Variants in ZNF510 observed in about 807,000 individuals in gnomAD.
The protein encoded by ZNF510 is zinc finger protein 510.
Under a neutral mutation model 18.1 loss-of-function variants are expected in ZNF510, and 15 were observed. The ratio of observed to expected loss-of-function variants is 0.83; its 90% CI spans 0.55 to 1.28. The LOEUF (loss-of-function observed/expected upper bound fraction) is 1.28, where lower values mean the gene tolerates loss of function less well. Among genes scored for constraint, ZNF510 ranks in the 50% most tolerant of loss-of-function variants. The pLI, the probability that ZNF510 is intolerant of heterozygous loss-of-function variation, is 0.00. For missense variants in ZNF510, 724 were observed against 791.8 expected (o/e 0.91, Z 1.03); for synonymous variants, 261 against 266.4 (o/e 0.98, Z 0.20).
chr9:96,758,764 T>A lies in ZNF510; in HGVS notation c.*14A>T. The stretch of plus-strand genomic sequence containing the variant: ...GGGTATTCCTTTTGTCAAAAGGATT[T>A]TCTAGTTATTACATCAATAGGGATT... On this transcript the variant is annotated 3_prime_UTR_variant, in exon 6 of 6. Transcript: ENST00000223428. The A allele has an allele frequency of 6.5e-7, 1 of 1,536,474 alleles. No homozygotes were observed. Among genetic ancestry groups the A allele is most frequent in the Non-Finnish European group, 8.7e-7 (1 of 1,145,408 alleles).
Position 96,760,126 on chromosome 9 carries a change from A to C in ZNF510, c.704T>G (p.Leu235Arg), listed in dbSNP as rs764409353. The C allele has an allele frequency of 5.0e-6, 8 of 1,609,712 alleles. No individual in the cohort carries two copies. In the African/African-American group the frequency reaches 8.1e-5, roughly 16 times the overall value. ...CTTGGGAAGATTTTCATTATAATTG[A>C]GAGCTTTCATGTTTTTATTATGTTC... Reference protein sequence around the residue: ...FYEHNKNMKALNYNENLPKHP... With the variant: ...FYEHNKNMKARNYNENLPKHP... Residue 235 changes from leucine (L) to arginine (R), a missense_variant, in exon 6 of 6, where the codon CTC becomes CGC. By Grantham distance (102) the Leu-to-Arg change is moderately radical. Transcript: ENST00000223428.
intron 3 of ZNF510, among the ~76,000 whole-genome samples, chr9:96,769,291 C>G (rs1307328653): frequency 6.6e-6 from 1 of 151,872 alleles, no homozygotes; most frequent in East Asian, 1.9e-4. Context: ...ATAAAAATTA[C>G]CCGGGCATTG....
intron 3 of ZNF510, among the ~76,000 whole-genome samples, chr9:96,769,509 A>G (rs1849543184): frequency 6.6e-6 from 1 of 152,098 alleles, no homozygotes; most frequent in South Asian, 2.1e-4. Flanking sequence ...TGACTCTTAG[A>G]TGAAATCAGG....
At position 96,758,981 on chromosome 9, in the gene ZNF510, C is replaced by T. The variant is rs1849264304; in HGVS notation, c.1849G>A (p.Asp617Asn). 6.2e-7 allele frequency: 1 copy of T among 1,613,772 alleles called. No homozygotes were observed. The highest frequency in any genetic ancestry group is 8.5e-7 in the Non-Finnish European group (1 of 1,179,954). Residue 617 changes from aspartate to asparagine, a missense_variant, in exon 6 of 6, where the codon GAT becomes AAT. Transcript: ENST00000223428. ...TCCCCTGTGTGAATTCTCTGATGAT[C>T]ACTAAGGATTGCTTTCCGGACAAAT... ...KKFVRKAILS[D>N]HQRIHTGEKP... is the part of the protein sequence containing the mutation.
chr9:96,763,299 A>T, intron 4 of ZNF510, 86 bp from the exon 5 acceptor site: 1 of 1,439,686 alleles, frequency 6.9e-7, no homozygotes, highest in Non-Finnish European at 9.7e-7. Context: ...CTTTGGAAGC[A>T]GTATCCTGAA....
At position 96,757,929 on chromosome 9, in the gene ZNF510, T is replaced by G. The variant is rs567123510; in HGVS notation, c.*849A>C. The G allele has an allele frequency of 6.6e-6, 1 of 152,266 alleles. No individual in the cohort carries two copies. Among genetic ancestry groups the G allele is most frequent in the African/African-American group, 2.4e-5 (1 of 41,564 alleles). The allele number at this position is 152,266 out of a possible 1,614,324, so 9.4% of individuals were successfully genotyped here. A position where few individuals can be genotyped will look rare whatever the true frequency, so the allele number is the denominator to read the frequency against. On this transcript the variant is annotated 3_prime_UTR_variant, in exon 6 of 6. Coordinates refer to ENST00000223428, the MANE Select transcript of ZNF510 (RefSeq NM_014930.3). ...ACTAACTGGCAGATAGTGTATACAC[T>G]GTGGATATGCTAGACTAAGGAATGA...
At chr9:96,769,131 T>TTATATACA (rs1295501143) in intron 3 of ZNF510, among the ~76,000 whole-genome samples, 1 of 152,110 alleles carries the variant, frequency 6.6e-6, no homozygotes, top group Non-Finnish European at 1.5e-5. Flanking sequence ...CCTTATACTG[T>TTATATACA]ATTTTAAAAT....
In ZNF510 at chr9:96,758,873, C is replaced by T. The variant is rs766200811; in HGVS notation, c.1957G>A (p.Glu653Lys). The T allele has an allele frequency of 9.3e-6, 15 of 1,613,942 alleles. No individual in the cohort carries two copies. In the Admixed American group the frequency reaches 1.2e-4, roughly 13 times the overall value. ...TATTCATTGCATTCATAAGATTTCT[C>T]CCCACTGTGAGTCCTTTGATGTATT... ...LRIHQRTHSG[E>K]KSYECNEYGK... The change falls in exon 6 of 6, where the codon GAG (glutamate) becomes AAG (lysine). Residue 653 changes from glutamate (E) to lysine (K), a missense_variant. Coordinates refer to ENST00000223428, the MANE Select transcript of ZNF510 (RefSeq NM_014930.3).
chr9:96,765,094 C>A (rs887212876), intron 3 of ZNF510, among the ~76,000 whole-genome samples: 4 of 151,288 alleles, frequency 2.6e-5, no homozygotes, highest in African/African-American at 9.8e-5. Context: ...GCCTGGGTGA[C>A]AGAGTGAGAT....
chr9:96,769,459 TAAA>T (rs966915786), intron 3 of ZNF510, among the ~76,000 whole-genome samples: 2 of 144,724 alleles, frequency 1.4e-5, no homozygotes, highest in African/African-American at 5.7e-5. Flanking sequence ...AAATTGGCCT[TAAA>T]AGGGATCAAA....
At position 96,763,216 on chromosome 9, in the gene ZNF510, G is replaced by A. The variant is rs759882866; in HGVS notation, c.257-3C>T. The A allele has an allele frequency of 3.7e-6, 6 of 1,613,384 alleles. No homozygotes were observed. The Admixed American group carries it at 8.3e-5, about 22-fold the overall frequency. ...CTCTGGTTTGAAACAGCAGTACCCT[G>A]TTAATAAAACACAATCGAGGACTTA... On this transcript the variant is annotated splice_region_variant and splice_polypyrimidine_tract_variant and intron_variant, in intron 4 of 5. Coordinates refer to ENST00000223428, the MANE Select transcript of ZNF510 (RefSeq NM_014930.3).
At position 96,758,657 on chromosome 9, in the gene ZNF510, C is replaced by G. The variant is rs16911517; in HGVS notation, c.*121G>C. 8.9e-3 allele frequency: 9,006 copies of G among 1,016,394 alleles called. 284 individuals are homozygous for G. In the East Asian group the frequency reaches 0.094, roughly 11 times the overall value. The allele number at this position is 1,016,394 out of a possible 1,614,324, so 63.0% of individuals were successfully genotyped here. On this transcript the variant is annotated 3_prime_UTR_variant, in exon 6 of 6. Transcript: ENST00000223428. ...TCTTTCCTATGTGAATTCTCTGATTCACAGTGAGGGTTTACTTCTGGGACT... is the reference window on the plus strand; with the variant it reads ...TCTTTCCTATGTGAATTCTCTGATTGACAGTGAGGGTTTACTTCTGGGACT...
chr9:96,768,677 T>C (rs756886245), intron 3 of ZNF510, among the ~76,000 whole-genome samples: 2 of 152,112 alleles, frequency 1.3e-5, no homozygotes, highest in Non-Finnish European at 2.9e-5. Context: ...AAAACACTGC[T>C]AGAAGAAATC....
chr9:96,763,364 G>C (rs577062588), intron 4 of ZNF510, 142 bp downstream of exon 4: 2 of 1,291,446 alleles, frequency 1.5e-6, no homozygotes, highest in Non-Finnish European at 1.1e-6. Flanking sequence ...TCTAGTCCTC[G>C]ACAGGGCATA....
At chr9:96,766,251 T>C (rs926057828) in intron 3 of ZNF510, among the ~76,000 whole-genome samples, 1 of 149,674 alleles carries the variant, frequency 6.7e-6, no homozygotes, top group Admixed American at 6.6e-5. Flanking sequence ...CAGTAACTCA[T>C]AGAAAAGCAG....
intron 3 of ZNF510, among the ~76,000 whole-genome samples, chr9:96,764,770 A>G (rs1849432088): frequency 6.6e-6 from 1 of 152,310 alleles, no homozygotes; most frequent in South Asian, 2.1e-4. Flanking sequence ...AGTTGATATG[A>G]CTGCATTACT....
At chr9:96,760,629 C>G in intron 5 of ZNF510, 152 bp from the exon 6 acceptor site, 2 of 620,994 alleles carry the variant, frequency 3.2e-6, no homozygotes, top group Non-Finnish European at 4.9e-6. Context: ...TATCTCAGAC[C>G]ACCCTCCTTT....
At chr9:96,763,483 G>A (rs372237724) in intron 4 of ZNF510, 23 bp downstream of exon 4, 4 of 1,586,604 alleles carry the variant, frequency 2.5e-6, no homozygotes, top group Non-Finnish European at 3.4e-6. Flanking sequence ...AGTTACAAGG[G>A]TAAGTTATGT....
At position 96,757,667 on chromosome 9, in the gene ZNF510, G is replaced by C. The variant is rs892870787; in HGVS notation, c.*1111C>G. The C allele has an allele frequency of 1.3e-5, 2 of 152,042 alleles. No individual in the cohort carries two copies. Among genetic ancestry groups the C allele is most frequent in the Non-Finnish European group, 2.9e-5 (2 of 68,020 alleles). The allele number at this position is 152,042 out of a possible 1,614,324, so 9.4% of individuals were successfully genotyped here. ...TTCCAAGTTGATGTTTGAAACCACG[G>C]GTATACTGAACCCTGTATATACTAT... On this transcript the variant is annotated 3_prime_UTR_variant, in exon 6 of 6. Coordinates refer to ENST00000223428, the MANE Select transcript of ZNF510 (RefSeq NM_014930.3).
Sources: gnomAD v4.1 joint callset for allele counts (sites outside exome capture counted in the v4.1 genomes callset) on GRCh38, gnomAD v4.1.1 for gene constraint, MANE v1.5 for transcripts, NCBI Gene and HGNC (gene_info 2026-07-23, HGNC 2026-07-21) for gene names.